Variants in AFG2A observed in about 807,000 individuals in gnomAD.
AFG2A encodes AAA ATPase AFG2A.
At chr4:122,998,772 A>G in the AFG2A span, among the ~76,000 whole-genome samples, 1 of 152,174 alleles carries the variant, frequency 6.6e-6, no homozygotes, top group African/African-American at 2.4e-5. Context: ...CAATAAACAT[A>G]TGTGTGCATG....
chr4:123,295,568 GA>G, the AFG2A span, among the ~76,000 whole-genome samples: 1 of 152,226 alleles, frequency 6.6e-6, no homozygotes, highest in Non-Finnish European at 1.5e-5. Context: ...AAGTGAAAAA[GA>G]CAAAGCAGAG....
At chr4:123,071,200 G>T in the AFG2A span, among the ~76,000 whole-genome samples, 1 of 152,292 alleles carries the variant, frequency 6.6e-6, no homozygotes, top group South Asian at 2.1e-4. Context: ...TGTTTCTCGG[G>T]CTGGGTGTGG....
chr4:122,947,126 C>T, the AFG2A span: 2 of 1,127,372 alleles, frequency 1.8e-6, no homozygotes, highest in East Asian at 5.4e-5. Context: ...ACTTAGTAGC[C>T]TGGACAGTTA....
At chr4:123,220,337 T>C in the AFG2A span, among the ~76,000 whole-genome samples, 1 of 151,956 alleles carries the variant, frequency 6.6e-6, no homozygotes, top group South Asian at 2.1e-4. Context: ...CTGGGCCTGG[T>C]GGGGTGGCTC....
At chr4:123,238,509 C>T in the AFG2A span, among the ~76,000 whole-genome samples, 3 of 152,174 alleles carry the variant, frequency 2.0e-5, no homozygotes, top group East Asian at 1.9e-4. Context: ...ATTTGCTGCT[C>T]GGCAGCCTCC....
the AFG2A span, among the ~76,000 whole-genome samples, chr4:122,947,010 C>T: frequency 1.3e-5 from 2 of 151,962 alleles, no homozygotes; most frequent in Non-Finnish European, 2.9e-5. Flanking sequence ...CAGGAGGAAG[C>T]ATTTAGGCTG....
chr4:122,999,784 G>T, the AFG2A span, among the ~76,000 whole-genome samples: 2 of 152,016 alleles, frequency 1.3e-5, no homozygotes, highest in Non-Finnish European at 2.9e-5. Context: ...TTGACTTGGC[G>T]ATGCGGGCTC....
At chr4:123,299,591 T>C in the AFG2A span, among the ~76,000 whole-genome samples, 1 of 152,202 alleles carries the variant, frequency 6.6e-6, no homozygotes, top group African/African-American at 2.4e-5. Flanking sequence ...TCCAGTTGAC[T>C]CACATCTCTG....
chr4:122,979,280 A>T, the AFG2A span: 1 of 1,614,064 alleles, frequency 6.2e-7, no homozygotes, highest in Non-Finnish European at 8.5e-7. Context: ...AACCTCCCTG[A>T]TGTCAAGGTG....
At chr4:123,169,096 G>T in the AFG2A span, among the ~76,000 whole-genome samples, 5 of 152,148 alleles carry the variant, frequency 3.3e-5, no homozygotes, top group East Asian at 1.9e-4. Flanking sequence ...CAATGCAGAT[G>T]GGGGGAAGGA....
the AFG2A span, among the ~76,000 whole-genome samples, chr4:123,149,598 A>G: frequency 6.6e-6 from 1 of 152,164 alleles, no homozygotes; most frequent in Non-Finnish European, 1.5e-5. Context: ...TCTTTTCTTC[A>G]TAAGATTCTG....
chr4:123,313,803 A>G, the AFG2A span: 1 of 1,282,380 alleles, frequency 7.8e-7, no homozygotes, highest in East Asian at 2.6e-5. Context: ...AAGGTACCAC[A>G]GATGAATATT....
chr4:122,933,238 T>G, the AFG2A span, among the ~76,000 whole-genome samples: 1 of 152,366 alleles, frequency 6.6e-6, no homozygotes, highest in Non-Finnish European at 1.5e-5. Context: ...GGCACCAGAT[T>G]CCAAATGATA....
At chr4:123,138,374 T>C in the AFG2A span, among the ~76,000 whole-genome samples, 2 of 133,440 alleles carry the variant, frequency 1.5e-5, no homozygotes, top group Non-Finnish European at 3.2e-5. Flanking sequence ...GACAAACCTC[T>C]AAGTATGTAT....
chr4:123,228,685 A>C, the AFG2A span, among the ~76,000 whole-genome samples: 1 of 152,016 alleles, frequency 6.6e-6, no homozygotes, highest in Non-Finnish European at 1.5e-5. Flanking sequence ...CACATTTTAG[A>C]GGTGAAGAAA....
chr4:123,274,558 G>A, the AFG2A span, among the ~76,000 whole-genome samples: 1 of 150,982 alleles, frequency 6.6e-6, no homozygotes, highest in African/African-American at 2.4e-5. Flanking sequence ...GCTGGTTTGG[G>A]CAAGGTTCGG....
chr4:123,300,202 C>T, the AFG2A span, among the ~76,000 whole-genome samples: 1 of 152,088 alleles, frequency 6.6e-6, no homozygotes, highest in South Asian at 2.1e-4. Context: ...AAATAATAGA[C>T]AATGATCAGA....
the AFG2A span, among the ~76,000 whole-genome samples, chr4:123,284,165 A>G: frequency 6.6e-6 from 1 of 152,006 alleles, no homozygotes; most frequent in East Asian, 1.9e-4. Context: ...CTTTTCCCAA[A>G]ATATTTTGTT....
chr4:122,944,358 C>G, the AFG2A span, among the ~76,000 whole-genome samples: 1 of 152,026 alleles, frequency 6.6e-6, no homozygotes, highest in East Asian at 1.9e-4. Flanking sequence ...TTTCTCTAAA[C>G]TTCCCTTCTT....
Sources: allele counts gnomAD v4.1 joint callset (sites outside exome capture counted in the v4.1 genomes callset), GRCh38; gene constraint gnomAD v4.1.1; transcripts MANE v1.5; gene names NCBI Gene and HGNC (gene_info 2026-07-23, HGNC 2026-07-21).